The following GSK3B variants were observed in gnomAD, a reference collection of about 807,000 sequenced individuals.
The protein encoded by GSK3B is glycogen synthase kinase-3 beta.
Under a neutral mutation model 56.4 loss-of-function variants are expected in GSK3B, and 15 were observed. That is an observed-to-expected ratio of 0.27 (90% CI 0.18 to 0.41). The LOEUF is 0.41. Ranked by LOEUF, GSK3B falls within the 10% of genes least tolerant of loss-of-function variation. The pLI, the probability that GSK3B is intolerant of heterozygous loss-of-function variation, is 1.00. For missense variants in GSK3B, 300 were observed against 513.4 expected, an observed-to-expected ratio of 0.58 and a Z score of 4.02; for synonymous variants, 181 against 188.9, an observed-to-expected ratio of 0.96 and a Z score of 0.34.
chr3:119,939,350 G>A (rs756180393), intron 3 of GSK3B, among the ~76,000 whole-genome samples: 4 of 152,120 alleles, frequency 2.6e-5, no homozygotes, highest in Non-Finnish European at 4.4e-5. Context: ...TGTATGTCAT[G>A]CTAAGAAATC....
intron 3 of GSK3B, among the ~76,000 whole-genome samples, chr3:119,944,579 T>C (rs2057081924): frequency 6.6e-6 from 1 of 152,166 alleles, no homozygotes; most frequent in East Asian, 1.9e-4. Flanking sequence ...TTCACTGTCC[T>C]GGCCTCAAAC....
chr3:119,892,094 CACA>C (rs1475246561), intron 7 of GSK3B, among the ~76,000 whole-genome samples: 2 of 152,100 alleles, frequency 1.3e-5, no homozygotes, highest in African/African-American at 4.8e-5. Flanking sequence ...GTATTTCTTC[CACA>C]ACGTTGTTTA....
chr3:119,917,997 T>C lies in GSK3B; in HGVS notation c.478-1823A>G, dbSNP rs1168492039. ...CCTTATAATAACCTTATGTAATAAG[T>C]ACTAATATTATTACCATTTTAAATA... On this transcript the variant is annotated intron_variant, in intron 4 of 10. Transcript: ENST00000264235. Among the ~76,000 whole-genome samples the C allele has an allele frequency of 6.6e-5, 10 of 152,212 alleles. No homozygotes were observed. The East Asian group carries it at 1.7e-3, about 26-fold the overall frequency.
chr3:119,963,916 T>C (rs2057296824), intron 2 of GSK3B, among the ~76,000 whole-genome samples: 1 of 152,126 alleles, frequency 6.6e-6, no homozygotes, highest in East Asian at 1.9e-4. Context: ...GTAGAACCCT[T>C]TGAAGAAATC....
chr3:119,836,996 G>A (rs1239799589), intron 10 of GSK3B, among the ~76,000 whole-genome samples: 1 of 152,188 alleles, frequency 6.6e-6, no homozygotes, highest in Non-Finnish European at 1.5e-5. Context: ...CCAGGATTAG[G>A]ATTTAAAGCT....
At chr3:119,864,523 C>A (rs1270069945) in intron 8 of GSK3B, among the ~76,000 whole-genome samples, 1 of 152,070 alleles carries the variant, frequency 6.6e-6, no homozygotes, top group African/African-American at 2.4e-5. Context: ...AAACATATAT[C>A]CCTCGACAGG....
chr3:119,999,622 A>C (rs912926521), intron 2 of GSK3B, among the ~76,000 whole-genome samples: 2 of 152,176 alleles, frequency 1.3e-5, no homozygotes, highest in Admixed American at 1.3e-4. Flanking sequence ...AAAAATATGG[A>C]ATTTCCTAGG....
At chr3:120,007,087 A>G (rs1435954091) in intron 1 of GSK3B, among the ~76,000 whole-genome samples, 1 of 152,216 alleles carries the variant, frequency 6.6e-6, no homozygotes, top group Non-Finnish European at 1.5e-5. Flanking sequence ...GGGGATCACC[A>G]CTGATCCCAC....
intron 7 of GSK3B, among the ~76,000 whole-genome samples, chr3:119,895,478 A>C (rs2056552451): frequency 6.6e-6 from 1 of 152,116 alleles, no homozygotes; most frequent in Non-Finnish European, 1.5e-5. Flanking sequence ...TTTTATTTTC[A>C]GTTTTTGAGG....
intron 2 of GSK3B, among the ~76,000 whole-genome samples, chr3:119,987,280 T>A (rs2057525548): frequency 6.6e-6 from 1 of 152,108 alleles, no homozygotes; most frequent in Non-Finnish European, 1.5e-5. Context: ...TACCTATGTA[T>A]CAAACCTGTA....
chr3:119,923,262 G>C (rs769240432), intron 4 of GSK3B, 111 bp downstream of exon 4: 2 of 524,688 alleles, frequency 3.8e-6, no homozygotes, highest in Non-Finnish European at 6.7e-6. Flanking sequence ...CTACTTTACA[G>C]TTTTTCTCCC....
At chr3:119,899,252 AT>A (rs1452691945) in intron 7 of GSK3B, among the ~76,000 whole-genome samples, 2 of 152,160 alleles carry the variant, frequency 1.3e-5, no homozygotes, top group African/African-American at 2.4e-5. Context: ...ACAGCATGCA[AT>A]TTAAAACTCA....
intron 1 of GSK3B, among the ~76,000 whole-genome samples, chr3:120,067,236 C>CA (rs58967403): frequency 1.6e-3 from 198 of 122,848 alleles, no homozygotes; most frequent in South Asian, 5.3e-3. Context: ...ACTGTAACAT[C>CA]AAAAAAAAAA....
At chr3:119,940,613 T>C (rs2057038909) in intron 3 of GSK3B, among the ~76,000 whole-genome samples, 1 of 152,156 alleles carries the variant, frequency 6.6e-6, no homozygotes, top group South Asian at 2.1e-4. Flanking sequence ...AAAACATTTC[T>C]AATAAATATT....
At chr3:120,070,614 G>T (rs2058319130) in intron 1 of GSK3B, among the ~76,000 whole-genome samples, 1 of 151,988 alleles carries the variant, frequency 6.6e-6, no homozygotes, top group South Asian at 2.1e-4. Flanking sequence ...GCACTTTACA[G>T]TCGTGTCTGA....
At chr3:120,039,202 A>G (rs6781942) in intron 1 of GSK3B, among the ~76,000 whole-genome samples, 80,443 of 152,090 alleles carry the variant, frequency 0.53, 24,722 homozygotes, top group African/African-American at 0.86. Flanking sequence ...CCAAAAGCTG[A>G]TGAAAATGTG....
chr3:119,878,477 T>C (rs1258445515), intron 7 of GSK3B, among the ~76,000 whole-genome samples: 3 of 152,148 alleles, frequency 2.0e-5, no homozygotes, highest in Non-Finnish European at 4.4e-5. Flanking sequence ...GGCAAGGATG[T>C]ACAGCAACTG....
In GSK3B at chr3:119,826,945, C is replaced by A. The variant is rs866167555; in HGVS notation, c.1196-90G>T. 37 of 765,848 alleles carry A rather than the reference C, an allele frequency of 4.8e-5. No homozygotes were observed. The Middle Eastern group carries it at 1.2e-3, about 25-fold the overall frequency. The allele number at this position is 765,848 out of a possible 1,614,324, so 47.4% of individuals were successfully genotyped here. ...CACTGTTTCAACTGCAGGCTGTGAA[C>A]TGTATGGCCTTCCAAGCTGTTATTT... On this transcript the variant is annotated intron_variant, in intron 10 of 10. Coordinates refer to ENST00000264235, the MANE Select transcript of GSK3B (RefSeq NM_001146156.2).
intron 1 of GSK3B, among the ~76,000 whole-genome samples, chr3:120,079,717 G>C (rs1187324233): frequency 1.3e-4 from 20 of 152,058 alleles, no homozygotes; most frequent in Non-Finnish European, 1.0e-4. Context: ...TTTTTTAAAG[G>C]CCTCAGAGTC....
Sources: allele counts gnomAD v4.1 joint callset (sites outside exome capture counted in the v4.1 genomes callset), GRCh38; gene constraint gnomAD v4.1.1; transcripts MANE v1.5; gene names NCBI Gene and HGNC (gene_info 2026-07-23, HGNC 2026-07-21).